IFT80: variants seen among roughly 807,000 people sequenced by gnomAD.
IFT80 encodes intraflagellar transport protein 80 homolog.
IFT80 carries 79 observed loss-of-function variants against 107.9 expected under a neutral mutation model. That is an observed-to-expected ratio of 0.73 (90% CI 0.61 to 0.88). IFT80 has a LOEUF of 0.88. Among genes scored for constraint, IFT80 ranks in the 40% least tolerant of loss-of-function variants. IFT80 has a pLI of 0.00. For missense variants in IFT80, 797 were observed against 914.2 expected (o/e 0.87, Z 1.65); for synonymous variants, 299 against 300.9 (o/e 0.99, Z 0.07).
chr3:160,289,391 C>T (rs1357067565), intron 12 of IFT80, among the ~76,000 whole-genome samples: 1 of 152,128 alleles, frequency 6.6e-6, no homozygotes, highest in Non-Finnish European at 1.5e-5. Context: ...ATCTGTACAA[C>T]AAACCCCTAT....
chr3:160,329,565 C>G (rs770272257), intron 8 of IFT80, among the ~76,000 whole-genome samples: 1 of 152,120 alleles, frequency 6.6e-6, no homozygotes, highest in Non-Finnish European at 1.5e-5. Context: ...CTTCCCTGTA[C>G]TGGGAGGAAA....
In IFT80 at chr3:160,335,926, G is replaced by A. The variant is rs78952067; in HGVS notation, c.778-15987C>T. On this transcript the variant is annotated intron_variant, in intron 8 of 19. Coordinates refer to ENST00000326448, the MANE Select transcript of IFT80 (RefSeq NM_020800.3). The stretch of plus-strand genomic sequence containing the variant: ...CTACATTATGTGGCCTTTTGTGTCT[G>A]CCTTCTTTCACTTAGCATGTTTGTT... 5.7e-3 allele frequency among the ~76,000 whole-genome samples: 864 copies of A among 152,116 alleles called. 4 individuals carry two copies. The highest frequency in any genetic ancestry group is 9.0e-3 in the Non-Finnish European group (612 of 67,992).
At chr3:160,313,143 C>CTCTT (rs545283923) in intron 9 of IFT80, among the ~76,000 whole-genome samples, 2 of 128,040 alleles carry the variant, frequency 1.6e-5, no homozygotes, top group East Asian at 2.1e-4. Context: ...AAAAGTATGT[C>CTCTT]TCTTCCATGT....
chr3:160,295,165 T>C (rs1238068358), intron 12 of IFT80, among the ~76,000 whole-genome samples: 2 of 152,112 alleles, frequency 1.3e-5, no homozygotes, highest in African/African-American at 4.8e-5. Context: ...CAAACCATAA[T>C]GAGATACCAC....
At chr3:160,268,013 C>G (rs914507361) in intron 19 of IFT80, among the ~76,000 whole-genome samples, 1 of 152,178 alleles carries the variant, frequency 6.6e-6, no homozygotes, top group Non-Finnish European at 1.5e-5. Context: ...TAGAATTCTA[C>G]AAAGTGACCA....
At chr3:160,381,985 A>T (rs1463470450) in intron 2 of IFT80, among the ~76,000 whole-genome samples, 2 of 152,222 alleles carry the variant, frequency 1.3e-5, no homozygotes, top group Admixed American at 6.5e-5. Context: ...ATGAAAATTT[A>T]AAACTTGTGT....
At chr3:160,359,285 T>C (rs187675587) in intron 6 of IFT80, among the ~76,000 whole-genome samples, 1 of 152,342 alleles carries the variant, frequency 6.6e-6, no homozygotes, top group East Asian at 1.9e-4. Context: ...TAAGCCATAT[T>C]TAACTTGACC....
At chr3:160,264,730 G>A (rs777138432) in intron 19 of IFT80, among the ~76,000 whole-genome samples, 43 of 151,690 alleles carry the variant, frequency 2.8e-4, no homozygotes, top group Middle Eastern at 3.4e-3. Context: ...GTGAGCCACC[G>A]CACCTTGCGG....
chr3:160,355,884 G>A (rs1721043407), intron 8 of IFT80, 129 bp downstream of exon 8: 11 of 1,144,994 alleles, frequency 9.6e-6, no homozygotes, highest in African/African-American at 1.5e-5. Flanking sequence ...AGCATATTAA[G>A]AAGACAAATC....
At chr3:160,318,726 C>T (rs1051647196) in intron 9 of IFT80, among the ~76,000 whole-genome samples, 4 of 152,040 alleles carry the variant, frequency 2.6e-5, no homozygotes, top group African/African-American at 9.7e-5. Flanking sequence ...ACTGAGGATA[C>T]ACTATACCAA....
chr3:160,379,960 T>C (rs1393493989), intron 3 of IFT80, among the ~76,000 whole-genome samples: 1 of 152,142 alleles, frequency 6.6e-6, no homozygotes, highest in East Asian at 1.9e-4. Context: ...AAAAGCCCTC[T>C]TCTCTTTCTC....
At chr3:160,348,701 CTGAT>C (rs1350692378) in intron 8 of IFT80, among the ~76,000 whole-genome samples, 18 of 152,154 alleles carry the variant, frequency 1.2e-4, no homozygotes, top group Admixed American at 1.1e-3. Flanking sequence ...TGTCCATTAA[CTGAT>C]TAATAAACAA....
chr3:160,302,038 C>T (rs1323867356), intron 11 of IFT80, among the ~76,000 whole-genome samples: 2 of 151,928 alleles, frequency 1.3e-5, no homozygotes, highest in Non-Finnish European at 2.9e-5. Flanking sequence ...TTAAATATAT[C>T]TTGTTTTATT....
intron 12 of IFT80, among the ~76,000 whole-genome samples, chr3:160,293,247 A>C (rs1381383724): frequency 6.6e-6 from 1 of 152,224 alleles, no homozygotes; most frequent in Non-Finnish European, 1.5e-5. Flanking sequence ...GAACTTGACA[A>C]ACTTGAATGG....
intron 8 of IFT80, among the ~76,000 whole-genome samples, chr3:160,324,843 C>T (rs1257875760): frequency 2.5e-4 from 37 of 145,898 alleles, no homozygotes; most frequent in Middle Eastern, 3.7e-3. Flanking sequence ...TCAAATTGTC[C>T]CTGTTTGCAG....
rs374892465 is a variant in IFT80, at chr3:160,327,536, T to C, written c.778-7597A>G. ...AGAAATAAGACTGCACACCTACAAC[T>C]ATCTGATCTTCAACAAACCTGACAA... On this transcript the variant is annotated intron_variant, in intron 8 of 19. Transcript: ENST00000326448. Among the ~76,000 whole-genome samples, 16 of 152,190 alleles carry C rather than the reference T, an allele frequency of 1.1e-4. No individual in the cohort carries two copies. In the East Asian group the frequency reaches 1.2e-3, roughly 11 times the overall value.
chr3:160,333,190 G>C (rs1031389743), intron 8 of IFT80, among the ~76,000 whole-genome samples: 1 of 152,156 alleles, frequency 6.6e-6, no homozygotes, highest in Non-Finnish European at 1.5e-5. Context: ...ATAACTGTAC[G>C]TGACACTTAC....
intron 12 of IFT80, among the ~76,000 whole-genome samples, chr3:160,290,124 T>C (rs1046990992): frequency 7.2e-5 from 11 of 151,898 alleles, no homozygotes; most frequent in Non-Finnish European, 1.3e-4. Context: ...CTACTGAAAG[T>C]CCTAATGGGG....
chr3:160,357,642 G>A, intron 6 of IFT80, 64 bp from the exon 7 acceptor site: 1 of 1,077,236 alleles, frequency 9.3e-7, no homozygotes, highest in Non-Finnish European at 1.4e-6. Context: ...TTTTCTGTAA[G>A]AAATATATTT....
Sources: allele counts gnomAD v4.1 joint callset (sites outside exome capture counted in the v4.1 genomes callset), GRCh38; gene constraint gnomAD v4.1.1; transcripts MANE v1.5; gene names NCBI Gene and HGNC (gene_info 2026-07-23, HGNC 2026-07-21).